The following KBTBD3 variants were observed in gnomAD, a reference collection of about 807,000 sequenced individuals.
The protein encoded by KBTBD3 is kelch repeat and BTB domain containing 3, also known as kelch repeat and BTB domain-containing protein 3.
Under a neutral mutation model 49.6 loss-of-function variants are expected in KBTBD3, and 38 were observed. That is an observed-to-expected ratio of 0.77 (90% CI 0.59 to 1.00). KBTBD3 has a LOEUF of 1.00. Ranked by LOEUF, KBTBD3 falls within the 50% of genes least tolerant of loss-of-function variation. KBTBD3 has a pLI of 0.00. For synonymous variants in KBTBD3, 214 were observed against 250.4 expected (o/e 0.85, Z 1.37); for missense variants, 661 against 712.0 (o/e 0.93, Z 0.81).
chr11:106,073,302 A>C (rs1449393923), intron 2 of KBTBD3, among the ~76,000 whole-genome samples: 1 of 129,966 alleles, frequency 7.7e-6, no homozygotes, highest in Non-Finnish European at 1.6e-5. Flanking sequence ...GGATCTCACT[A>C]TGTTACCCAA....
intron 2 of KBTBD3, among the ~76,000 whole-genome samples, chr11:106,060,153 G>GT (rs11345163): frequency 6.7e-6 from 1 of 149,474 alleles, no homozygotes; most frequent in Middle Eastern, 3.5e-3. Flanking sequence ...TCCTTTTTTT[G>GT]TTTTTTTTTT....
In KBTBD3 at chr11:106,053,282, A is replaced by G; in HGVS notation, c.1407T>C (p.Phe469=). The change falls in exon 4 of 4, where the codon TTT becomes TTC. Residue 469 remains phenylalanine (F), a synonymous_variant. Coordinates refer to ENST00000531837, the MANE Select transcript of KBTBD3 (RefSeq NM_198439.3). ...TAAAAAAGCAATCAAGTGATGGGTT[A>G]AAAGCATCTGTAATCTCTACCTCTG... is the stretch of plus-strand genomic sequence containing the variant. The part of the protein sequence containing the change: ...LGSEVEITDA[F]NPSLDCFFKY... 6.2e-7 allele frequency: 1 copy of G among 1,613,694 alleles called. No homozygotes were observed. The highest frequency in any genetic ancestry group is 8.5e-7 in the Non-Finnish European group (1 of 1,179,834).
chr11:106,052,844 G>T lies in KBTBD3; in HGVS notation c.*6C>A. ...GGTTACTAGAACTGGACTCGTTTTAGAATGTTCAAGCACATAGATTAGAAA... is the reference window on the plus strand; with the variant it reads ...GGTTACTAGAACTGGACTCGTTTTATAATGTTCAAGCACATAGATTAGAAA... On this transcript the variant is annotated 3_prime_UTR_variant, in exon 4 of 4. Coordinates refer to ENST00000531837, the MANE Select transcript of KBTBD3 (RefSeq NM_198439.3). 2 of 1,596,176 alleles carry T rather than the reference G, an allele frequency of 1.3e-6. No homozygotes were observed. Among genetic ancestry groups the T allele is most frequent in the South Asian group, 1.1e-5 (1 of 88,094 alleles).
At chr11:106,068,272 A>G (rs1448035790) in intron 2 of KBTBD3, among the ~76,000 whole-genome samples, 1 of 152,152 alleles carries the variant, frequency 6.6e-6, no homozygotes, top group East Asian at 1.9e-4. Context: ...AGAAAACTCC[A>G]CCTAACAACA....
chr11:106,058,880 C>T lies in KBTBD3; in HGVS notation c.218G>A (p.Cys73Tyr). Residue 73 changes from cysteine to tyrosine, a missense_variant, in exon 3 of 4, where the codon TGC becomes TAC. By Grantham distance (194) the Cys-to-Tyr change is radical. Coordinates refer to ENST00000531837, the MANE Select transcript of KBTBD3 (RefSeq NM_198439.3). ...GGTAAAGTACCTGAAAAAGTCACTGCATGCTGCTAACACACAACGATGACA... is the reference window on the plus strand; with the variant it reads ...GGTAAAGTACCTGAAAAAGTCACTGTATGCTGCTAACACACAACGATGACA... ...IPCHRCVLAA[C>Y]SDFFRAMFEV... is the part of the protein sequence containing the mutation. 6.4e-7 allele frequency: 1 copy of T among 1,568,344 alleles called. No homozygotes were observed.
chr11:106,054,262 C>G lies in KBTBD3; in HGVS notation c.427G>C (p.Asp143His). Residue 143 changes from aspartate (D) to histidine (H), a missense_variant, in exon 4 of 4, where the codon GAC (aspartate) becomes CAC (histidine). Asp to His is a moderately conservative substitution (Grantham distance 81). Coordinates refer to ENST00000531837, the MANE Select transcript of KBTBD3 (RefSeq NM_198439.3). ...AGATTAATACTTTTTATTAAAAAGT[C>G]ACTGCAAGCTTTGGATAGGAAGGAA... ...QVSFLSKACS[D>H]FLIKSINLVN... The G allele has an allele frequency of 6.2e-7, 1 of 1,612,000 alleles. No homozygotes were observed. The highest frequency in any genetic ancestry group is 8.5e-7 in the Non-Finnish European group (1 of 1,178,896).
At position 106,053,455 on chromosome 11, in the gene KBTBD3, T is replaced by C. The variant is rs1394946850; in HGVS notation, c.1234A>G (p.Thr412Ala). The change falls in exon 4 of 4, where the codon ACT (threonine) becomes GCT (alanine). Residue 412 changes from threonine (T) to alanine (A), a missense_variant. Thr to Ala is a moderately conservative substitution (Grantham distance 58). Transcript: ENST00000531837. ...LDRLFVIGGKTRGSRDIKSLL... is the reference protein window; with the variant it reads ...LDRLFVIGGKARGSRDIKSLL... ...CTTTTAATGTCCCGGGATCCTCTAG[T>C]TTTTCCACCTATGACAAATAATCTA... is the stretch of plus-strand genomic sequence containing the variant. 1 of 1,613,684 alleles carries C rather than the reference T, an allele frequency of 6.2e-7. No individual in the cohort carries two copies. The highest frequency in any genetic ancestry group is 1.1e-5 in the South Asian group (1 of 91,060).
Position 106,053,709 on chromosome 11 carries a change from G to A in KBTBD3, c.980C>T (p.Ser327Leu). Residue 327 changes from serine to leucine, a missense_variant, in exon 4 of 4, where the codon TCA becomes TTA. By Grantham distance (145) the Ser-to-Leu change is moderately radical (BLOSUM62 -2). Transcript: ENST00000531837. ...KSDSWKILPQ[S>L]HLIDLPGSSL... ...AGATCCTGGCAAATCAATCAGGTGT[G>A]ATTGCGGCAGTATTTTCCATGAATC... 1.2e-6 allele frequency: 2 copies of A among 1,613,588 alleles called. No homozygotes were observed. Among genetic ancestry groups the A allele is most frequent in the Non-Finnish European group, 1.7e-6 (2 of 1,179,896 alleles).
At chr11:106,060,801 T>C (rs1207322857) in intron 2 of KBTBD3, among the ~76,000 whole-genome samples, 6 of 152,164 alleles carry the variant, frequency 3.9e-5, no homozygotes, top group Non-Finnish European at 7.4e-5. Flanking sequence ...TGGGATCTAA[T>C]TAAACTAAAG....
At chr11:106,069,448 C>T (rs1860875793) in intron 2 of KBTBD3, among the ~76,000 whole-genome samples, 1 of 151,050 alleles carries the variant, frequency 6.6e-6, no homozygotes, top group Non-Finnish European at 1.5e-5. Flanking sequence ...TTCTATATAC[C>T]AGCAATAAAC....
chr11:106,058,835 A>C, intron 3 of KBTBD3, 30 bp downstream of exon 3: 3 of 1,293,862 alleles, frequency 2.3e-6, no homozygotes, highest in South Asian at 2.7e-5. Flanking sequence ...TCCAAATCAT[A>C]AAATCTGAGG....
chr11:106,051,995 T>A lies in KBTBD3; in HGVS notation c.*855A>T, dbSNP rs1398106269. ...ATTAGAGGTCAATTTTCTATGTCCTTAATTAGGCTGGAACCTAGCAATGAT... is the reference window on the plus strand; with the variant it reads ...ATTAGAGGTCAATTTTCTATGTCCTAAATTAGGCTGGAACCTAGCAATGAT... On this transcript the variant is annotated 3_prime_UTR_variant, in exon 4 of 4. Transcript: ENST00000531837. The A allele has an allele frequency of 1.3e-5, 2 of 151,910 alleles. No individual in the cohort carries two copies. Among genetic ancestry groups the A allele is most frequent in the Non-Finnish European group, 2.9e-5 (2 of 67,852 alleles). The allele number at this position is 151,910 out of a possible 1,614,324, so 9.4% of individuals were successfully genotyped here.
chr11:106,075,094 T>A (rs749085950), intron 2 of KBTBD3, among the ~76,000 whole-genome samples: 17 of 152,098 alleles, frequency 1.1e-4, no homozygotes, highest in Non-Finnish European at 2.4e-4. Context: ...CACAGACAAT[T>A]GGTGGTAGAG....
chr11:106,061,416 T>C (rs530354673), intron 2 of KBTBD3, among the ~76,000 whole-genome samples: 5 of 152,322 alleles, frequency 3.3e-5, no homozygotes, highest in Admixed American at 3.3e-4. Flanking sequence ...TGGTCAGTCA[T>C]ATGTGGTGTG....
chr11:106,061,208 G>T (rs1860687553), intron 2 of KBTBD3, among the ~76,000 whole-genome samples: 1 of 152,184 alleles, frequency 6.6e-6, no homozygotes, highest in South Asian at 2.1e-4. Flanking sequence ...TGTTCCAAGA[G>T]GCCTAGGTGG....
intron 2 of KBTBD3, among the ~76,000 whole-genome samples, chr11:106,061,284 C>G (rs1440105578): frequency 6.6e-6 from 1 of 152,112 alleles, no homozygotes; most frequent in Non-Finnish European, 1.5e-5. Flanking sequence ...ATTCCAGGAC[C>G]AAGACAATCT....
chr11:106,060,741 T>G (rs1439368837), intron 2 of KBTBD3, among the ~76,000 whole-genome samples: 1 of 152,144 alleles, frequency 6.6e-6, no homozygotes, highest in Non-Finnish European at 1.5e-5. Flanking sequence ...GGCAAAGACT[T>G]CATGACTAAA....
chr11:106,052,679 A>G lies in KBTBD3; in HGVS notation c.*171T>C, dbSNP rs1470006181. 5 of 539,744 alleles carry G rather than the reference A, an allele frequency of 9.3e-6. No homozygotes were observed. The Admixed American group carries it at 1.8e-4, about 19-fold the overall frequency. The allele number at this position is 539,744 out of a possible 1,614,324, so 33.4% of individuals were successfully genotyped here. A position where few individuals can be genotyped will look rare whatever the true frequency, so the allele number is the denominator to read the frequency against. Reference sequence around the variant, plus strand: ...TATATTCAGTATAATTTTTGGTAAAATATATTTTGTATTTTAAGTTTTTGG... The same window carrying G: ...TATATTCAGTATAATTTTTGGTAAAGTATATTTTGTATTTTAAGTTTTTGG... On this transcript the variant is annotated 3_prime_UTR_variant, in exon 4 of 4. Coordinates refer to ENST00000531837, the MANE Select transcript of KBTBD3 (RefSeq NM_198439.3).
chr11:106,074,198 C>T (rs1860986310), intron 2 of KBTBD3, among the ~76,000 whole-genome samples: 1 of 150,738 alleles, frequency 6.6e-6, no homozygotes, highest in Non-Finnish European at 1.5e-5. Context: ...CATGCAAATT[C>T]TAGTATCTTC....
Sources: gnomAD v4.1 joint callset for allele counts (sites outside exome capture counted in the v4.1 genomes callset) on GRCh38, gnomAD v4.1.1 for gene constraint, MANE v1.5 for transcripts, NCBI Gene and HGNC (gene_info 2026-07-23, HGNC 2026-07-21) for gene names.